The following C4orf33 variants were observed in gnomAD, a reference collection of about 807,000 sequenced individuals.
The protein encoded by C4orf33 is UPF0462 protein C4orf33.
A neutral mutation model predicts 24.3 loss-of-function variants in C4orf33; 20 were observed. The observed-to-expected ratio is 0.82, with a 90% confidence interval of 0.58 to 1.19. The LOEUF (loss-of-function observed/expected upper bound fraction) is 1.19. C4orf33 is among the 50% of genes most tolerant of loss of function. The pLI is 0.00. For synonymous variants in C4orf33, 67 were observed against 76.4 expected (o/e 0.88, Z 0.64); for missense variants, 207 against 225.9 (o/e 0.92, Z 0.54).
rs949747804 is a variant in C4orf33, at chr4:129,098,437, C to A, written c.-10+2228C>A. 4.6e-5 allele frequency among the ~76,000 whole-genome samples: 7 copies of A among 152,206 alleles called. No homozygotes were observed. In the South Asian group the frequency reaches 8.3e-4, roughly 18 times the overall value. ...AATATGTGGTATTTGGTTTTCTGTA[C>A]TTTCATGAATTTGCTTAGAATAATA... On this transcript the variant is annotated intron_variant, in intron 1 of 5. Coordinates refer to ENST00000425929, the MANE Select transcript of C4orf33 (RefSeq NM_001099783.2).
At chr4:129,094,496 G>T (rs1753119464), upstream of C4orf33, among the ~76,000 whole-genome samples, 1 of 152,138 alleles carries the variant, frequency 6.6e-6, no homozygotes, top group Non-Finnish European at 1.5e-5. Context: ...GAGTTTTGTT[G>T]TCCCGTACTC....
intron 1 of C4orf33, among the ~76,000 whole-genome samples, chr4:129,099,175 C>T (rs1346003656): frequency 1.3e-5 from 2 of 152,090 alleles, no homozygotes; most frequent in African/African-American, 4.8e-5. Flanking sequence ...CTAAAACTTA[C>T]TTTGGTATAA....
chr4:129,102,804 A>G lies in C4orf33; in HGVS notation c.181+13A>G. The G allele has an allele frequency of 6.3e-7, 1 of 1,597,664 alleles. No homozygotes were observed. The highest frequency in any genetic ancestry group is 8.5e-7 in the Non-Finnish European group (1 of 1,172,928). Reference sequence around the variant, plus strand: ...TGGGATTATGAAGGTAAGTGGAAGTACTGTATTTTATTGCAAACATAAATC... The same window carrying G: ...TGGGATTATGAAGGTAAGTGGAAGTGCTGTATTTTATTGCAAACATAAATC... On this transcript the variant is annotated intron_variant, in intron 2 of 5. Transcript: ENST00000425929.
At chr4:129,109,230 A>G in intron 3 of C4orf33, 77 bp from the exon 4 acceptor site, 2 of 1,337,554 alleles carry the variant, frequency 1.5e-6, no homozygotes, top group Non-Finnish European at 2.1e-6. Flanking sequence ...AAGCACACAC[A>G]TTCCATGTAT....
At chr4:129,100,817 A>G (rs550695465) in intron 1 of C4orf33, 8 of 152,210 alleles carry the variant, frequency 5.3e-5, no homozygotes, top group Non-Finnish European at 1.2e-4. Context: ...TGTCAGAATC[A>G]GTCATTCAGC....
At chr4:129,109,132 A>G (rs532383987) in intron 3 of C4orf33, among the ~76,000 whole-genome samples, 175 bp from the exon 4 acceptor site, 3 of 152,172 alleles carry the variant, frequency 2.0e-5, no homozygotes, top group East Asian at 1.9e-4. Context: ...CTCGTGATCC[A>G]CCCGCCTTGG....
rs373760982 is a variant in C4orf33 at position 129,106,644 on chromosome 4, G to A, written c.239G>A (p.Cys80Tyr). The A allele has an allele frequency of 1.3e-6, 2 of 1,503,794 alleles. No homozygotes were observed. Among genetic ancestry groups the A allele is most frequent in the Non-Finnish European group, 1.8e-6 (2 of 1,099,346 alleles). 93.2% of individuals were successfully genotyped at this position (1,503,794 alleles called of 1,614,324 possible). Residue 80 changes from cysteine (C) to tyrosine (Y), a missense_variant, in exon 3 of 6, where the codon TGT becomes TAT. Coordinates refer to ENST00000425929, the MANE Select transcript of C4orf33 (RefSeq NM_001099783.2). ...GAGCAATATTTAGAAGTTGAACTTT[G>A]TCCGTAAGTATAAAATGTTTTTTCT... is the stretch of plus-strand genomic sequence containing the variant. ...ITEQYLEVEL[C>Y]PHGQHLVLLL...
At chr4:129,101,441 A>T (rs73848912) in intron 1 of C4orf33, among the ~76,000 whole-genome samples, 2,192 of 152,252 alleles carry the variant, frequency 0.014, 52 homozygotes, top group African/African-American at 0.047. Context: ...ACTAAGTGAG[A>T]TTATCTTTTG....
chr4:129,111,058 G>A (rs1355365035), intron 5 of C4orf33, among the ~76,000 whole-genome samples: 1 of 152,148 alleles, frequency 6.6e-6, no homozygotes, highest in Non-Finnish European at 1.5e-5. Flanking sequence ...CTTATCTTAG[G>A]TGGAAGTACG....
At chr4:129,107,767 C>A (rs1679357655) in intron 3 of C4orf33, among the ~76,000 whole-genome samples, 1 of 151,938 alleles carries the variant, frequency 6.6e-6, no homozygotes, top group Non-Finnish European at 1.5e-5. Flanking sequence ...CTAAGGCAAA[C>A]ATTCATAATT....
chr4:129,101,007 G>T (rs1332522342), intron 1 of C4orf33, among the ~76,000 whole-genome samples: 3 of 151,994 alleles, frequency 2.0e-5, no homozygotes, highest in Non-Finnish European at 2.9e-5. Context: ...ACTTAAATCC[G>T]AATCAATTTA....
chr4:129,103,014 AGAT>A, intron 2 of C4orf33: 1 of 326,730 alleles, frequency 3.1e-6, no homozygotes. Flanking sequence ...TTACAAATCC[AGAT>A]TTTTTTTTTT....
upstream of C4orf33, among the ~76,000 whole-genome samples, chr4:129,095,582 T>C (rs1753184188): frequency 6.6e-6 from 1 of 152,194 alleles, no homozygotes; most frequent in Non-Finnish European, 1.5e-5. Context: ...TAAAGTTGTA[T>C]AGATTGAAAA....
Position 129,116,585 on chromosome 4 carries a change from C to G in C4orf33, c.*4794C>G, listed in dbSNP as rs1753780187. On this transcript the variant is annotated 3_prime_UTR_variant, in exon 6 of 6. Transcript: ENST00000425929. Reference sequence around the variant, plus strand: ...AGCTTTGCTGAAATAGAAAACCAAACTGTAAATTGAAGTCTGAGCATTCAG... The same window carrying G: ...AGCTTTGCTGAAATAGAAAACCAAAGTGTAAATTGAAGTCTGAGCATTCAG... 1 of 152,098 alleles carries G rather than the reference C, an allele frequency of 6.6e-6. No homozygotes were observed. Among genetic ancestry groups the G allele is most frequent in the Non-Finnish European group, 1.5e-5 (1 of 68,024 alleles). The allele number at this position is 152,098 out of a possible 1,614,324, so 9.4% of individuals were successfully genotyped here.
Position 129,102,638 on chromosome 4 carries a change from G to C in C4orf33, c.28G>C (p.Asp10His), listed in dbSNP as rs1359187761. The C allele has an allele frequency of 6.2e-7, 1 of 1,613,030 alleles. No homozygotes were observed. The highest frequency in any genetic ancestry group is 8.5e-7 in the Non-Finnish European group (1 of 1,179,580). ...GGATTTTAAAATTGAACACACTTGGGATGGTTTTCCAGTGAAGCATGAGCC... is the reference window on the plus strand; with the variant it reads ...GGATTTTAAAATTGAACACACTTGGCATGGTTTTCCAGTGAAGCATGAGCC... MDFKIEHTW[D>H]GFPVKHEPVF... Residue 10 changes from aspartate to histidine, a missense_variant, in exon 2 of 6, where the codon GAT becomes CAT. By Grantham distance (81) the Asp-to-His change is moderately conservative. Coordinates refer to ENST00000425929, the MANE Select transcript of C4orf33 (RefSeq NM_001099783.2).
At chr4:129,109,949 A>T in intron 5 of C4orf33, 1 of 1,184,634 alleles carries the variant, frequency 8.4e-7, no homozygotes, top group Non-Finnish European at 1.1e-6. Flanking sequence ...GTAATAGCTG[A>T]TATAGAAGTA....
chr4:129,096,631 A>G (rs1025832021), intron 1 of C4orf33, among the ~76,000 whole-genome samples: 3 of 152,098 alleles, frequency 2.0e-5, no homozygotes, highest in Non-Finnish European at 4.4e-5. Flanking sequence ...AGGTCTTTCC[A>G]GGTAAAGATA....
At position 129,097,203 on chromosome 4, in the gene C4orf33, G is replaced by A. The variant is rs187356113; in HGVS notation, c.-10+994G>A. On this transcript the variant is annotated intron_variant, in intron 1 of 5. Transcript: ENST00000425929. ...ATTACAGGTGTGAGCCACCGCGCCC[G>A]GCCAAAAAATAATTTTAAACTGTTC... is the stretch of plus-strand genomic sequence containing the variant. Among the ~76,000 whole-genome samples the A allele has an allele frequency of 6.4e-4, 97 of 152,154 alleles. 1 individual carries two copies. In the East Asian group the frequency reaches 0.016, roughly 25 times the overall value.
At chr4:129,103,324 T>A (rs1181162904) in intron 2 of C4orf33, among the ~76,000 whole-genome samples, 1 of 152,096 alleles carries the variant, frequency 6.6e-6, no homozygotes, top group Non-Finnish European at 1.5e-5. Flanking sequence ...TGGCCACAAA[T>A]CCAGATTTTT....
Sources: gnomAD v4.1 joint callset for allele counts (sites outside exome capture counted in the v4.1 genomes callset) on GRCh38, gnomAD v4.1.1 for gene constraint, MANE v1.5 for transcripts, NCBI Gene and HGNC (gene_info 2026-07-23, HGNC 2026-07-21) for gene names.